Variants in GRIN2A observed in about 807,000 individuals in gnomAD.
GRIN2A encodes glutamate ionotropic receptor NMDA type subunit 2A.
In GRIN2A, 22 loss-of-function variants were observed where a neutral mutation model predicts 113.4. That is an observed-to-expected ratio of 0.19 (90% CI 0.14 to 0.28). GRIN2A has a LOEUF of 0.28. GRIN2A is among the 10% of genes least tolerant of loss of function. GRIN2A has a pLI of 1.00. For synonymous variants in GRIN2A, 827 were observed against 738.4 expected, an observed-to-expected ratio of 1.12 and a Z score of -1.94; for missense variants, 1,502 against 1,887.0, an observed-to-expected ratio of 0.80 and a Z score of 3.78.
intron 11 of GRIN2A, among the ~76,000 whole-genome samples, chr16:9,787,179 C>G (rs1010751591): frequency 6.6e-6 from 1 of 152,150 alleles, no homozygotes; most frequent in Non-Finnish European, 1.5e-5. Flanking sequence ...ATTCCAGGCC[C>G]TCCCAATCTT....
At chr16:10,006,396 G>A (rs954454570) in intron 2 of GRIN2A, among the ~76,000 whole-genome samples, 18 of 152,160 alleles carry the variant, frequency 1.2e-4, no homozygotes, top group African/African-American at 4.1e-4. Context: ...AGTGCTAAGG[G>A]GGAGCGGTCA....
At chr16:9,815,462 C>G (rs2042170708) in intron 10 of GRIN2A, among the ~76,000 whole-genome samples, 1 of 148,172 alleles carries the variant, frequency 6.7e-6, no homozygotes, top group Non-Finnish European at 1.5e-5. Flanking sequence ...GTAAAATGGC[C>G]AAAAGACTTG....
intron 2 of GRIN2A, among the ~76,000 whole-genome samples, chr16:10,124,710 T>G (rs1279225798): frequency 6.6e-6 from 1 of 152,132 alleles, no homozygotes; most frequent in Non-Finnish European, 1.5e-5. Context: ...AGTTGGCCCG[T>G]GTGTCAGGTG....
intron 3 of GRIN2A, among the ~76,000 whole-genome samples, chr16:9,927,092 C>T (rs1424602045): frequency 3.3e-5 from 5 of 152,190 alleles, no homozygotes; most frequent in African/African-American, 1.2e-4. Context: ...GTTTACTTAT[C>T]TGTAATATGA....
At chr16:9,845,716 C>A (rs1294054216) in intron 5 of GRIN2A, among the ~76,000 whole-genome samples, 1 of 152,220 alleles carries the variant, frequency 6.6e-6, no homozygotes, top group Non-Finnish European at 1.5e-5. Flanking sequence ...CAGATATTCA[C>A]ATGTCTGGCT....
At chr16:10,061,414 T>C (rs17670977) in intron 2 of GRIN2A, among the ~76,000 whole-genome samples, 16,568 of 152,214 alleles carry the variant, frequency 0.11, 1,051 homozygotes, top group African/African-American at 0.16. Flanking sequence ...TCCTAACCAA[T>C]ATATGCACCT....
intron 3 of GRIN2A, among the ~76,000 whole-genome samples, chr16:9,925,287 C>T (rs2044439329): frequency 6.6e-6 from 1 of 152,200 alleles, no homozygotes; most frequent in South Asian, 2.1e-4. Flanking sequence ...ACTCAGTGCC[C>T]ATGAATAACT....
chr16:9,834,668 C>A (rs920713304), intron 7 of GRIN2A, among the ~76,000 whole-genome samples: 2 of 152,210 alleles, frequency 1.3e-5, no homozygotes, highest in African/African-American at 4.8e-5. Context: ...AGGCGTGAGC[C>A]ACTGCTCCTG....
rs556534573 is a variant in GRIN2A, at chr16:9,765,073, A to T, written c.2596-125T>A. 514 of 1,205,024 alleles carry T rather than the reference A, an allele frequency of 4.3e-4. 9 individuals are homozygous for T. The South Asian group carries it at 5.7e-3, about 13-fold the overall frequency. 74.6% of individuals were successfully genotyped at this position (1,205,024 alleles called of 1,614,324 possible). On this transcript the variant is annotated intron_variant, in intron 12 of 12. Transcript: ENST00000330684. ...TTGCAGGAGCCCTGGAGAAACAGCA[A>T]AATTCAGTCTGAATCCTGATAATGT... is the stretch of plus-strand genomic sequence containing the variant.
At chr16:9,867,115 C>T (rs1398127841) in intron 4 of GRIN2A, among the ~76,000 whole-genome samples, 2 of 152,088 alleles carry the variant, frequency 1.3e-5, no homozygotes, top group African/African-American at 2.4e-5. Flanking sequence ...TTCCTGCCCC[C>T]ACTTTGTCTT....
At chr16:9,879,733 C>T (rs1040772510) in intron 4 of GRIN2A, among the ~76,000 whole-genome samples, 22 of 152,146 alleles carry the variant, frequency 1.4e-4, no homozygotes, top group African/African-American at 5.3e-4. Context: ...TTCTCTGAGC[C>T]TCATTCCCTC....
rs956788351 is a variant in GRIN2A at position 10,180,484 on chromosome 16, A to C, written c.-18-55T>G. 3 of 1,550,150 alleles carry C rather than the reference A, an allele frequency of 1.9e-6. No homozygotes were observed. In the African/African-American group the frequency reaches 4.1e-5, roughly 21 times the overall value. On this transcript the variant is annotated intron_variant, in intron 1 of 12. Transcript: ENST00000330684. The surrounding 1 kb of genome is among the most constrained non-coding windows in gnomAD (Gnocchi z 7.0). ...GCGGTGAGCAAGGCGACCAGAAGAA[A>C]GGGATTACCAACTTGGCTTCCTGCT...
At chr16:10,100,941 A>G (rs1244715581) in intron 2 of GRIN2A, among the ~76,000 whole-genome samples, 3 of 152,218 alleles carry the variant, frequency 2.0e-5, no homozygotes, top group Non-Finnish European at 2.9e-5. Flanking sequence ...CTTGGATCCG[A>G]TCTGCCTTCA....
At chr16:10,163,030 A>C (rs2049835731) in intron 2 of GRIN2A, among the ~76,000 whole-genome samples, 1 of 152,158 alleles carries the variant, frequency 6.6e-6, no homozygotes, top group Non-Finnish European at 1.5e-5. Flanking sequence ...TTTTTTGGTG[A>C]GTTAAAAGAT....
intron 10 of GRIN2A, among the ~76,000 whole-genome samples, chr16:9,810,529 C>T (rs114662101): frequency 0.011 from 1,696 of 152,230 alleles, 32 homozygotes; most frequent in African/African-American, 0.038. Context: ...CTAACTCCAA[C>T]GGCTGGAGTC....
At position 9,845,907 on chromosome 16, in the gene GRIN2A, G is replaced by T. The variant is rs191164566; in HGVS notation, c.1328+3849C>A. On this transcript the variant is annotated intron_variant, in intron 5 of 12. Transcript: ENST00000330684. ...TTTCTAACCACGTAAGTTCCATGAT[G>T]GAAAGGTCCTAGTCTTTTGCCCTCC... Among the ~76,000 whole-genome samples the T allele has an allele frequency of 6.8e-3, 1,039 of 152,282 alleles. 8 individuals carry two copies. The highest frequency in any genetic ancestry group is 0.011 in the Non-Finnish European group (743 of 68,022).
chr16:10,055,654 T>C (rs867936265), intron 2 of GRIN2A, among the ~76,000 whole-genome samples: 1 of 152,200 alleles, frequency 6.6e-6, no homozygotes, highest in East Asian at 1.9e-4. Context: ...GTCACTTCAA[T>C]AGACAACATC....
intron 4 of GRIN2A, among the ~76,000 whole-genome samples, chr16:9,881,362 C>T (rs2043477056): frequency 6.6e-6 from 1 of 152,190 alleles, no homozygotes; most frequent in Non-Finnish European, 1.5e-5. Flanking sequence ...ATCTTGATAA[C>T]AGGATGACCT....
intron 2 of GRIN2A, chr16:10,111,426 G>A: frequency 1.8e-6 from 1 of 553,072 alleles, no homozygotes; most frequent in Admixed American, 2.6e-5. Context: ...ACGTGCCCCA[G>A]GACTGGCTCA....
Sources: gnomAD v4.1 joint callset for allele counts (sites outside exome capture counted in the v4.1 genomes callset) on GRCh38, gnomAD v4.1.1 for gene constraint, Gnocchi (gnomAD v3.1) non-coding constraint, MANE v1.5 for transcripts, NCBI Gene and HGNC (gene_info 2026-07-23, HGNC 2026-07-21) for gene names.